NRXN3: variants seen among roughly 807,000 people sequenced by gnomAD.
NRXN3 encodes the protein neurexin III.
NRXN3 carries 32 observed loss-of-function variants against 137.6 expected under a neutral mutation model. That is an observed-to-expected ratio of 0.23 (90% CI 0.18 to 0.31). The LOEUF (loss-of-function observed/expected upper bound fraction) is 0.31. NRXN3 is among the 10% of genes least tolerant of loss of function. The pLI is 1.00. For missense variants in NRXN3, 1,574 were observed against 2,062.5 expected (o/e 0.76, Z 4.59); for synonymous variants, 798 against 784.5 (o/e 1.02, Z -0.29).
At chr14:78,926,950 TATATATAATATATATATA>T (rs1393624101) in intron 10 of NRXN3, among the ~76,000 whole-genome samples, 2 of 50,512 alleles carry the variant, frequency 4.0e-5, no homozygotes, top group Non-Finnish European at 6.2e-5. Context: ...ATATATATAA[TATATATAATATATATATA>T]ATATATAATA....
At chr14:78,230,914 G>T (rs772446691) in intron 1 of NRXN3, among the ~76,000 whole-genome samples, 2 of 152,190 alleles carry the variant, frequency 1.3e-5, no homozygotes, top group South Asian at 4.1e-4. Flanking sequence ...TCTGACTGCT[G>T]TATGGAAAAT....
At chr14:78,615,672 G>A (rs1483068133) in intron 4 of NRXN3, among the ~76,000 whole-genome samples, 1 of 150,960 alleles carries the variant, frequency 6.6e-6, no homozygotes, top group African/African-American at 2.4e-5. Flanking sequence ...CAGTGGCTCA[G>A]GCCTGTGATC....
intron 1 of NRXN3, among the ~76,000 whole-genome samples, chr14:78,213,098 A>G (rs2062902767): frequency 6.6e-6 from 1 of 152,170 alleles, no homozygotes; most frequent in Admixed American, 6.5e-5. Flanking sequence ...AAACTCATCT[A>G]GTGCTTTCCT....
Position 79,006,344 on chromosome 14 carries a change from AC to A in NRXN3, c.3262+18204del, listed in dbSNP as rs1463205245. 5.3e-5 allele frequency among the ~76,000 whole-genome samples: 8 copies of A among 152,212 alleles called. No individual in the cohort carries two copies. The East Asian group carries it at 1.6e-3, about 29-fold the overall frequency. ...TAAATGGCAAAAAACAAACAAACAA[AC>A]AAACAAACAAAAACCCCAAAAGCAT... On this transcript the variant is annotated intron_variant, in intron 15 of 20. Coordinates refer to ENST00000335750, the MANE Select transcript of NRXN3 (RefSeq NM_001330195.2).
At chr14:78,320,560 A>G (rs1472479983) in intron 4 of NRXN3, among the ~76,000 whole-genome samples, 1 of 152,194 alleles carries the variant, frequency 6.6e-6, no homozygotes, top group Non-Finnish European at 1.5e-5. Flanking sequence ...TACCTAGCAT[A>G]TAGTCAGAGG....
intron 16 of NRXN3, among the ~76,000 whole-genome samples, chr14:79,596,877 G>T (rs1027502502): frequency 7.9e-5 from 12 of 152,088 alleles, no homozygotes; most frequent in Non-Finnish European, 1.6e-4. Flanking sequence ...TAGAATGGTG[G>T]TGCTTGTCCA....
rs1184217893 is a variant in NRXN3 at position 79,444,776 on chromosome 14, T to G, written c.3263-22445T>G. 1.1e-4 allele frequency among the ~76,000 whole-genome samples: 16 copies of G among 152,242 alleles called. No homozygotes were observed. The East Asian group carries it at 3.1e-3, about 29-fold the overall frequency. ...GCAGGGGTTCTAGACTGCAGTGAGT[T>G]ATGATCACCACTGCAGTCCAACCTG... On this transcript the variant is annotated intron_variant, in intron 15 of 20. Transcript: ENST00000335750.
At chr14:79,504,655 G>GTATATATATATATATATATATATATATA (rs994714026) in intron 16 of NRXN3, among the ~76,000 whole-genome samples, 9 of 104,216 alleles carry the variant, frequency 8.6e-5, no homozygotes, top group African/African-American at 3.1e-4. Context: ...ATATATATAT[G>GTATATATATATATATATATATATATATA]TATATATATA....
intron 19 of NRXN3, among the ~76,000 whole-genome samples, chr14:79,712,791 C>T (rs543506243): frequency 6.6e-6 from 1 of 152,244 alleles, no homozygotes; most frequent in South Asian, 2.1e-4. Context: ...CTGGGCTGGG[C>T]GCTCGCTGAG....
At chr14:78,943,138 T>C (rs1235947888) in intron 10 of NRXN3, among the ~76,000 whole-genome samples, 1 of 152,070 alleles carries the variant, frequency 6.6e-6, no homozygotes, top group African/African-American at 2.4e-5. Context: ...GCTGGAACTT[T>C]GGGGAATCCC....
At chr14:79,045,538 G>T (rs1043961943) in intron 15 of NRXN3, among the ~76,000 whole-genome samples, 1 of 152,122 alleles carries the variant, frequency 6.6e-6, no homozygotes, top group African/African-American at 2.4e-5. Flanking sequence ...TAGAACAAAG[G>T]GTTCCCATGG....
At chr14:79,584,129 G>A (rs2097745146) in intron 16 of NRXN3, among the ~76,000 whole-genome samples, 1 of 152,032 alleles carries the variant, frequency 6.6e-6, no homozygotes, top group South Asian at 2.1e-4. Flanking sequence ...ATGTATTTAT[G>A]TATCTACTTT....
At chr14:78,340,432 C>T (rs936417269) in intron 4 of NRXN3, among the ~76,000 whole-genome samples, 1 of 152,130 alleles carries the variant, frequency 6.6e-6, no homozygotes, top group South Asian at 2.1e-4. Context: ...AATTATTTTT[C>T]ATGATTCAGT....
chr14:78,332,684 C>T (rs568581424), intron 4 of NRXN3, among the ~76,000 whole-genome samples: 3 of 152,298 alleles, frequency 2.0e-5, no homozygotes, highest in African/African-American at 7.2e-5. Flanking sequence ...CTTTAAGTGT[C>T]ATCTAACCCA....
intron 15 of NRXN3, among the ~76,000 whole-genome samples, chr14:79,207,336 C>T (rs2066928216): frequency 6.6e-6 from 1 of 152,178 alleles, no homozygotes; most frequent in African/African-American, 2.4e-5. Flanking sequence ...CATGACACTT[C>T]TCTTCGAAAA....
intron 15 of NRXN3, among the ~76,000 whole-genome samples, chr14:79,295,737 G>A (rs977868639): frequency 2.6e-5 from 4 of 152,146 alleles, no homozygotes; most frequent in Non-Finnish European, 5.9e-5. Context: ...ATCAGTTTTA[G>A]TTTGTACTTT....
intron 16 of NRXN3, among the ~76,000 whole-genome samples, chr14:79,529,645 CA>C (rs1362682563): frequency 4.6e-5 from 7 of 152,032 alleles, no homozygotes; most frequent in Non-Finnish European, 1.0e-4. Context: ...TTTGAAACTC[CA>C]AAAATCTTTA....
At chr14:79,713,082 C>T (rs761692095) in intron 19 of NRXN3, among the ~76,000 whole-genome samples, 5 of 151,808 alleles carry the variant, frequency 3.3e-5, no homozygotes, top group Admixed American at 1.3e-4. Flanking sequence ...TAAAAGCATC[C>T]GTCCAATGTT....
At chr14:78,821,664 C>G (rs1347745738) in intron 10 of NRXN3, among the ~76,000 whole-genome samples, 2 of 150,942 alleles carry the variant, frequency 1.3e-5, no homozygotes, top group South Asian at 4.2e-4. Flanking sequence ...TCCCATCTCA[C>G]AGAGAAAAGA....
Sources: gnomAD v4.1 joint callset for allele counts (sites outside exome capture counted in the v4.1 genomes callset) on GRCh38, gnomAD v4.1.1 for gene constraint, MANE v1.5 for transcripts, NCBI Gene and HGNC (gene_info 2026-07-23, HGNC 2026-07-21) for gene names.